The following DMTN variants were observed in gnomAD, a reference collection of about 807,000 sequenced individuals.
The protein encoded by DMTN is dematin.
Under a neutral mutation model 59.4 loss-of-function variants are expected in DMTN, and 27 were observed. That is an observed-to-expected ratio of 0.45 (90% CI 0.33 to 0.63). DMTN has a LOEUF of 0.63. Ranked by LOEUF, DMTN falls within the 20% of genes least tolerant of loss-of-function variation. DMTN has a pLI of 0.02. For synonymous variants in DMTN, 221 were observed against 203.7 expected, an observed-to-expected ratio of 1.08 and a Z score of -0.72; for missense variants, 451 against 528.9, an observed-to-expected ratio of 0.85 and a Z score of 1.45.
chr8:22,081,513 TTTTTCCCC>T lies in DMTN; in HGVS notation c.*51_*58del, dbSNP rs1389520105. 1 of 1,547,844 alleles carries T rather than the reference TTTTTCCCC, an allele frequency of 6.5e-7. No individual in the cohort carries two copies. Among genetic ancestry groups the T allele is most frequent in the African/African-American group, 1.4e-5 (1 of 73,436 alleles). On this transcript the variant is annotated 3_prime_UTR_variant, in exon 16 of 16. Coordinates refer to ENST00000358242, the MANE Select transcript of DMTN (RefSeq NM_001387751.1). Reference sequence around the variant, plus strand: ...CCCCCTTACCCCTGCTGCTTCAGGGTTTTTCCCCGGCGGGTTGGGAGGGGCAGGAGGTG... The same window carrying T: ...CCCCCTTACCCCTGCTGCTTCAGGGTGGCGGGTTGGGAGGGGCAGGAGGTG...
intron 4 of DMTN, among the ~76,000 whole-genome samples, chr8:22,068,170 A>G (rs978290546): frequency 6.6e-6 from 1 of 152,178 alleles, no homozygotes; most frequent in African/African-American, 2.4e-5. Context: ...GGGCTAGATC[A>G]TGGGGTGACT....
In DMTN at chr8:22,081,513, T is replaced by C; in HGVS notation, c.*50T>C. 1.9e-6 allele frequency: 3 copies of C among 1,547,962 alleles called. No homozygotes were observed. Among genetic ancestry groups the C allele is most frequent in the Non-Finnish European group, 2.7e-6 (3 of 1,121,158 alleles). Reference sequence around the variant, plus strand: ...CCCCCTTACCCCTGCTGCTTCAGGGTTTTTCCCCGGCGGGTTGGGAGGGGC... The same window carrying C: ...CCCCCTTACCCCTGCTGCTTCAGGGCTTTTCCCCGGCGGGTTGGGAGGGGC... On this transcript the variant is annotated 3_prime_UTR_variant, in exon 16 of 16. Transcript: ENST00000358242.
In DMTN at chr8:22,070,229, A is replaced by G; in HGVS notation, c.499A>G (p.Ile167Val). Residue 167 changes from isoleucine to valine, a missense_variant, in exon 8 of 16, where the codon ATC (isoleucine) becomes GTC (valine). Coordinates refer to ENST00000358242, the MANE Select transcript of DMTN (RefSeq NM_001387751.1). ...GACCAAGCACCTCATCGAGGATCTCATCATCGAGTCATCCAAGTTTCCTGC... is the reference window on the plus strand; with the variant it reads ...GACCAAGCACCTCATCGAGGATCTCGTCATCGAGTCATCCAAGTTTCCTGC... ...PQTKHLIEDLIIESSKFPAAQ... is the reference protein window; with the variant it reads ...PQTKHLIEDLVIESSKFPAAQ... 6.2e-7 allele frequency: 1 copy of G among 1,608,800 alleles called. No homozygotes were observed. The highest frequency in any genetic ancestry group is 8.5e-7 in the Non-Finnish European group (1 of 1,176,398).
chr8:22,049,142 G>T (rs1244284441), upstream of DMTN: 1 of 150,354 alleles, frequency 6.7e-6, no homozygotes, highest in Non-Finnish European at 1.5e-5. Context: ...AGGCGCAGGC[G>T]AGGGCCCTGC....
At chr8:22,076,056 G>T (rs1488093947) in intron 10 of DMTN, among the ~76,000 whole-genome samples, 1 of 152,184 alleles carries the variant, frequency 6.6e-6, no homozygotes, top group African/African-American at 2.4e-5. Context: ...GCAAGAGAGA[G>T]AAGCTGAGGT....
At chr8:22,080,318 T>C in intron 11 of DMTN, 74 bp downstream of exon 11, 25 of 1,613,048 alleles carry the variant, frequency 1.5e-5, no homozygotes, top group Non-Finnish European at 2.0e-5. Flanking sequence ...ACTGAGCCAC[T>C]TGGGCACCCT....
At chr8:22,080,907 G>A (rs769274916) in intron 14 of DMTN, 37 bp downstream of exon 14, 25 of 1,531,144 alleles carry the variant, frequency 1.6e-5, no homozygotes, top group African/African-American at 4.1e-5. Flanking sequence ...GTAGCGGGGC[G>A]GGAGGCTGGG....
In DMTN at chr8:22,080,187, C is replaced by G. The variant is rs772309862; in HGVS notation, c.843C>G (p.His281Gln). ...PDRTPFHTSL[H>Q]QGTSKSSSLP... ...CCTTTTGCTGTCTTCCAGCCTTGCA[C>G]CAGGGAACGTCTAAATCTTCCTCTC... is the stretch of plus-strand genomic sequence containing the variant. The change falls in exon 11 of 16, where the codon CAC becomes CAG. Residue 281 changes from histidine to glutamine, a missense_variant. Transcript: ENST00000358242. 2 of 1,614,186 alleles carry G rather than the reference C, an allele frequency of 1.2e-6. No homozygotes were observed. The highest frequency in any genetic ancestry group is 1.7e-5 in the Admixed American group (1 of 60,030).
chr8:22,067,484 G>A (rs1222363811), intron 3 of DMTN, 43 bp from the exon 4 acceptor site: 1 of 1,611,220 alleles, frequency 6.2e-7, no homozygotes, highest in Admixed American at 1.7e-5. Flanking sequence ...TGTCCTAGGC[G>A]GGGCTTTCGG....
Position 22,073,803 on chromosome 8 carries a change from G to A in DMTN, c.803G>A (p.Arg268His), listed in dbSNP as rs774716768. The stretch of plus-strand genomic sequence containing the variant: ...TCATTGCCGATCCGAAGGAAAACCC[G>A]CTCTCTGCCTGACCGGACACCCTTC... ...EKSLPIRRKT[R>H]SLPDRTPFHT... Residue 268 changes from arginine to histidine, a missense_variant, in exon 10 of 16, where the codon CGC (arginine) becomes CAC (histidine). Arg to His is a conservative substitution (Grantham distance 29). Transcript: ENST00000358242. 36 of 1,613,916 alleles carry A rather than the reference G, an allele frequency of 2.2e-5. No homozygotes were observed. Among genetic ancestry groups the A allele is most frequent in the African/African-American group, 1.1e-4 (8 of 74,876 alleles).
chr8:22,050,708 A>G (rs545217360), upstream of DMTN, among the ~76,000 whole-genome samples: 4 of 152,236 alleles, frequency 2.6e-5, no homozygotes, highest in East Asian at 7.7e-4. Context: ...GAGTGCCCTC[A>G]TCCCACCCCA....
intron 1 of DMTN, among the ~76,000 whole-genome samples, chr8:22,059,888 G>A (rs950083660): frequency 6.6e-6 from 1 of 152,240 alleles, no homozygotes; most frequent in Non-Finnish European, 1.5e-5. Context: ...TGGAAGAAGA[G>A]CGCGCCAGGA....
intron 1 of DMTN, chr8:22,066,348 G>C (rs1374092247): frequency 6.6e-6 from 1 of 152,430 alleles, no homozygotes. Context: ...GGGAGGTGGC[G>C]GCGGGGACAG....
chr8:22,069,816 T>G, intron 6 of DMTN, 65 bp from the exon 7 acceptor site: 1 of 1,568,788 alleles, frequency 6.4e-7, no homozygotes, highest in Non-Finnish European at 8.8e-7. Flanking sequence ...ATCATCTCCA[T>G]TCTCCTGGCC....
At position 22,069,900 on chromosome 8, in the gene DMTN, C is replaced by T. The variant is rs759163300; in HGVS notation, c.414C>T (p.Ser138=). ...FHHPETSRPD[S]NIYKKPPIYK... ...CCACAGAGACCTCCCGCCCAGATTCCAACATCTACAAGAAGCCTCCCATCT... is the reference window on the plus strand; with the variant it reads ...CCACAGAGACCTCCCGCCCAGATTCTAACATCTACAAGAAGCCTCCCATCT... Residue 138 remains serine, a synonymous_variant, in exon 7 of 16, where the codon TCC becomes TCT. Transcript: ENST00000358242. 1.2e-6 allele frequency: 2 copies of T among 1,614,114 alleles called. No individual in the cohort carries two copies. Among genetic ancestry groups the T allele is most frequent in the Non-Finnish European group, 1.7e-6 (2 of 1,180,016 alleles).
chr8:22,059,010 G>A (rs1045439742), intron 1 of DMTN, among the ~76,000 whole-genome samples: 8 of 151,954 alleles, frequency 5.3e-5, no homozygotes, highest in Non-Finnish European at 7.4e-5. Flanking sequence ...GCCCTGCAGC[G>A]CCGCACTGCT....
Position 22,066,698 on chromosome 8 carries a change from C to T in DMTN, c.-171-7C>T, listed in dbSNP as rs1467993619. On this transcript the variant is annotated splice_polypyrimidine_tract_variant and splice_region_variant and intron_variant, in intron 1 of 15. Coordinates refer to ENST00000358242, the MANE Select transcript of DMTN (RefSeq NM_001387751.1). ...CCCGGCGCGGCCTCCCTCCCTTCTC[C>T]CCGCAGCCTGGAGAGTCACCGCCGA... The T allele has an allele frequency of 6.5e-6, 4 of 611,770 alleles. No homozygotes were observed. Among genetic ancestry groups the T allele is most frequent in the Admixed American group, 4.8e-5 (1 of 20,738 alleles). 37.9% of individuals were successfully genotyped at this position (611,770 alleles called of 1,614,324 possible). A position where few individuals can be genotyped will look rare whatever the true frequency, so the allele number is the denominator to read the frequency against.
At chr8:22,068,870 G>A (rs1243962974) in intron 4 of DMTN, 146 bp from the exon 5 acceptor site, 10 of 940,816 alleles carry the variant, frequency 1.1e-5, no homozygotes, top group African/African-American at 1.7e-5. Context: ...GGAACTGTGG[G>A]AAGGATCCAA....
Position 22,066,854 on chromosome 8 carries a change from C to G in DMTN, c.-22C>G, listed in dbSNP as rs1378634026. The stretch of plus-strand genomic sequence containing the variant: ...CGCGCACAGGGCTCTGCGAGTGACC[C>G]GGCGGGCGAGCTCCGTGCTGCATGG... On this transcript the variant is annotated 5_prime_UTR_variant, in exon 2 of 16. Transcript: ENST00000358242. 2 of 1,412,670 alleles carry G rather than the reference C, an allele frequency of 1.4e-6. No homozygotes were observed. Among genetic ancestry groups the G allele is most frequent in the Non-Finnish European group, 1.9e-6 (2 of 1,080,478 alleles). 87.5% of individuals were successfully genotyped at this position (1,412,670 alleles called of 1,614,324 possible). A position where few individuals can be genotyped will look rare whatever the true frequency, so the allele number is the denominator to read the frequency against.
Sources: allele counts gnomAD v4.1 joint callset (sites outside exome capture counted in the v4.1 genomes callset), GRCh38; gene constraint gnomAD v4.1.1; transcripts MANE v1.5; gene names NCBI Gene and HGNC (gene_info 2026-07-23, HGNC 2026-07-21).